RUNX1: variants seen among roughly 807,000 people sequenced by gnomAD.
The protein encoded by RUNX1 is runt-related transcription factor 1.
Under a neutral mutation model 42.8 loss-of-function variants are expected in RUNX1, and 19 were observed. The ratio of observed to expected loss-of-function variants is 0.44; its 90% confidence interval spans 0.31 to 0.65. The LOEUF is 0.65. Among genes scored for constraint, RUNX1 ranks in the 30% least tolerant of loss-of-function variants. The pLI is 0.07. For missense variants in RUNX1, 528 were observed against 672.0 expected (o/e 0.79, Z 2.37); for synonymous variants, 271 against 289.4 (o/e 0.94, Z 0.64).
intron 2 of RUNX1, among the ~76,000 whole-genome samples, chr21:34,951,268 G>A (rs1197318537): frequency 6.6e-6 from 1 of 152,228 alleles, no homozygotes; most frequent in Non-Finnish European, 1.5e-5. Flanking sequence ...TCAAACTTGA[G>A]AAGCTGCATG....
chr21:34,940,484 T>C (rs1455551300), intron 2 of RUNX1, among the ~76,000 whole-genome samples: 4 of 152,260 alleles, frequency 2.6e-5, no homozygotes, highest in Non-Finnish European at 5.9e-5. Context: ...AGTTCTCTGA[T>C]AGCGCAATGC....
chr21:34,834,812 G>C (rs1047054367), intron 6 of RUNX1, among the ~76,000 whole-genome samples: 1 of 152,072 alleles, frequency 6.6e-6, no homozygotes, highest in Admixed American at 6.5e-5. Context: ...CACCGCCTCG[G>C]CCACAGAGTG....
At position 34,791,996 on chromosome 21, in the gene RUNX1, C is replaced by A; in HGVS notation, c.*139G>T. On this transcript the variant is annotated 3_prime_UTR_variant, in exon 9 of 9. Coordinates refer to ENST00000675419, the MANE Select transcript of RUNX1 (RefSeq NM_001754.5). ...GGCCTGACCTACAGCGAGATCCTGG[C>A]CGTCGGGCGCCCTCGGCCCCAGGAC... is the stretch of plus-strand genomic sequence containing the variant. 2 of 492,962 alleles carry A rather than the reference C, an allele frequency of 4.1e-6. No homozygotes were observed. 30.5% of individuals were successfully genotyped at this position (492,962 alleles called of 1,614,324 possible).
intron 2 of RUNX1, among the ~76,000 whole-genome samples, chr21:35,030,992 A>G (rs1268266702): frequency 2.0e-5 from 3 of 152,238 alleles, no homozygotes; most frequent in African/African-American, 4.8e-5. Context: ...ATCACTCCTC[A>G]TCATGCAAAT....
chr21:34,963,987 C>G (rs932767366), intron 2 of RUNX1, among the ~76,000 whole-genome samples: 1 of 152,084 alleles, frequency 6.6e-6, no homozygotes, highest in Non-Finnish European at 1.5e-5. Context: ...ATTGGGATGG[C>G]ATTCATTCAT....
At chr21:34,961,486 C>A (rs1200889207) in intron 2 of RUNX1, among the ~76,000 whole-genome samples, 1 of 152,102 alleles carries the variant, frequency 6.6e-6, no homozygotes, top group Non-Finnish European at 1.5e-5. Context: ...GAAGAAAAGT[C>A]TGGGTAAAAT....
intron 2 of RUNX1, among the ~76,000 whole-genome samples, chr21:34,930,287 T>TATATATATAA (rs1555906440): frequency 3.5e-5 from 5 of 142,960 alleles, no homozygotes; most frequent in Admixed American, 2.8e-4. Flanking sequence ...TATATATATA[T>TATATATATAA]ATATAAATAA....
intron 2 of RUNX1, among the ~76,000 whole-genome samples, chr21:34,987,431 A>G (rs1046890285): frequency 2.0e-5 from 3 of 152,192 alleles, no homozygotes; most frequent in Admixed American, 2.0e-4. Context: ...TTCTTGGCTG[A>G]GAAGGCAGCT....
chr21:34,859,810 T>C (rs1362124962), intron 5 of RUNX1, among the ~76,000 whole-genome samples: 3 of 152,184 alleles, frequency 2.0e-5, no homozygotes, highest in African/African-American at 7.2e-5. Flanking sequence ...CAATAAACAA[T>C]ACAAGATCAA....
chr21:34,819,964 G>A (rs77410778), intron 7 of RUNX1, among the ~76,000 whole-genome samples: 35 of 152,396 alleles, frequency 2.3e-4, no homozygotes, highest in African/African-American at 7.9e-4. Context: ...AATCACACAG[G>A]ACGGTGAAAC....
intron 2 of RUNX1, among the ~76,000 whole-genome samples, chr21:35,018,717 C>A (rs1229843257): frequency 2.0e-5 from 3 of 152,032 alleles, no homozygotes; most frequent in Non-Finnish European, 4.4e-5. Flanking sequence ...AAAAAGGTGC[C>A]CCTTCCTCTA....
intron 2 of RUNX1, among the ~76,000 whole-genome samples, chr21:35,046,567 G>A (rs932815654): frequency 3.3e-5 from 5 of 152,188 alleles, no homozygotes; most frequent in African/African-American, 1.2e-4. Flanking sequence ...GCCATTTGTT[G>A]GCAGGGATGG....
chr21:34,978,787 T>C (rs1455089802), intron 2 of RUNX1, among the ~76,000 whole-genome samples: 2 of 152,160 alleles, frequency 1.3e-5, no homozygotes, highest in East Asian at 1.9e-4. Context: ...CTGTGGGCTG[T>C]TGTATTGTTT....
intron 2 of RUNX1, among the ~76,000 whole-genome samples, chr21:34,906,222 G>A (rs1030842836): frequency 3.9e-5 from 6 of 152,188 alleles, no homozygotes; most frequent in African/African-American, 1.2e-4. Context: ...AGCAGCCTAC[G>A]AATGCATTAG....
At chr21:34,880,073 T>C (rs1244466748) in intron 5 of RUNX1, among the ~76,000 whole-genome samples, 1 of 152,228 alleles carries the variant, frequency 6.6e-6, no homozygotes, top group Non-Finnish European at 1.5e-5. Context: ...TAAGCTTGCT[T>C]GAAACCATGT....
At chr21:34,993,800 CACAG>C (rs2058971771) in intron 2 of RUNX1, among the ~76,000 whole-genome samples, 1 of 138,216 alleles carries the variant, frequency 7.2e-6, no homozygotes, top group African/African-American at 3.5e-5. Context: ...CAGACACACA[CACAG>C]ACACACACAC....
chr21:34,829,394 C>T (rs140424312), intron 7 of RUNX1, among the ~76,000 whole-genome samples: 26 of 152,290 alleles, frequency 1.7e-4, no homozygotes, highest in African/African-American at 5.8e-4. Context: ...TAAGATCAAG[C>T]CCTGCAGTGA....
rs114757254 is a variant in RUNX1, at chr21:34,957,313, T to C, written c.59-64350A>G. 6.7e-3 allele frequency among the ~76,000 whole-genome samples: 1,018 copies of C among 152,238 alleles called. 8 individuals carry two copies. The highest frequency in any genetic ancestry group is 0.024 in the African/African-American group (982 of 41,534). ...ACACTAGGGGCGAATGAGCAGGAAATATAAATGTTTGTGACAGGAAGCCAG... is the reference window on the plus strand; with the variant it reads ...ACACTAGGGGCGAATGAGCAGGAAACATAAATGTTTGTGACAGGAAGCCAG... On this transcript the variant is annotated intron_variant, in intron 2 of 8. Transcript: ENST00000675419.
chr21:34,913,749 C>A (rs913164896), intron 2 of RUNX1, among the ~76,000 whole-genome samples: 4 of 152,090 alleles, frequency 2.6e-5, no homozygotes, highest in Non-Finnish European at 5.9e-5. Context: ...GATTTTCTGA[C>A]GTATCAGTTA....
Sources: gnomAD v4.1 joint callset for allele counts (sites outside exome capture counted in the v4.1 genomes callset) on GRCh38, gnomAD v4.1.1 for gene constraint, MANE v1.5 for transcripts, NCBI Gene and HGNC (gene_info 2026-07-23, HGNC 2026-07-21) for gene names.